The following BTAF1 variants were observed in gnomAD, a reference collection of about 807,000 sequenced individuals.
BTAF1 encodes B-TFIID TATA-box binding protein associated factor 1, also known as TATA-binding protein-associated factor 172.
A neutral mutation model predicts 227.1 loss-of-function variants in BTAF1; 38 were observed. The observed-to-expected ratio is 0.17, with a 90% confidence interval of 0.13 to 0.22. BTAF1 has a LOEUF of 0.22. Among genes scored for constraint, BTAF1 ranks in the 10% least tolerant of loss-of-function variants. The probability of loss-of-function intolerance (pLI) is 1.00; values close to 1 mark genes in which losing one functional copy is unlikely to be tolerated. For synonymous variants in BTAF1, 742 were observed against 751.9 expected (o/e 0.99, Z 0.21); for missense variants, 1,598 against 2,204.0 (o/e 0.73, Z 5.51).
At chr10:91,941,416 A>G (rs951724371) in intron 3 of BTAF1, among the ~76,000 whole-genome samples, 4 of 152,234 alleles carry the variant, frequency 2.6e-5, no homozygotes, top group African/African-American at 9.6e-5. Flanking sequence ...AATTTCATGC[A>G]GATGCCAGCT....
In BTAF1 at chr10:92,030,802, T is replaced by A. The variant is rs1379295142; in HGVS notation, c.*1869T>A. ...AAACTTAGAGTGGCTATAACATTTT[T>A]AAAATAATCTTTTGAGTTGTAAAAT... is the stretch of plus-strand genomic sequence containing the variant. On this transcript the variant is annotated 3_prime_UTR_variant, in exon 38 of 38. Transcript: ENST00000265990. 6.6e-6 allele frequency among the ~76,000 whole-genome samples: 1 copy of A among 152,184 alleles called. No individual in the cohort carries two copies. The highest frequency in any genetic ancestry group is 2.4e-5 in the African/African-American group (1 of 41,462).
In BTAF1 at chr10:91,951,557, C is replaced by T; in HGVS notation, c.555C>T (p.Asn185=). The change falls in exon 5 of 38, where the codon AAC becomes AAT. Residue 185 remains asparagine, a synonymous_variant. Coordinates refer to ENST00000265990, the MANE Select transcript of BTAF1 (RefSeq NM_003972.3). The part of the protein sequence containing the change: ...DYTPTSASFV[N]KQPTLQAAEL... ...CCCCAACTTCAGCATCCTTTGTTAA[C>T]AAACAACCTGTAGGTAAAACGTTTG... 1 of 1,595,644 alleles carries T rather than the reference C, an allele frequency of 6.3e-7. No individual in the cohort carries two copies. The highest frequency in any genetic ancestry group is 1.8e-5 in the Admixed American group (1 of 55,328).
intron 4 of BTAF1, among the ~76,000 whole-genome samples, chr10:91,947,735 CAAAAAAA>C (rs34292341): frequency 0.32 from 34,822 of 107,584 alleles, 5,162 homozygotes; most frequent in Middle Eastern, 0.46. Context: ...TCAATGTTTG[CAAAAAAA>C]AAAAAAAAAA....
chr10:91,955,509 G>T (rs1380765191), intron 6 of BTAF1, among the ~76,000 whole-genome samples: 1 of 152,086 alleles, frequency 6.6e-6, no homozygotes, highest in Non-Finnish European at 1.5e-5. Context: ...AACAGGGAAG[G>T]AACATGTGAA....
chr10:91,981,189 TTAAG>T (rs1161225890), intron 15 of BTAF1, among the ~76,000 whole-genome samples: 1 of 152,188 alleles, frequency 6.6e-6, no homozygotes, highest in South Asian at 2.1e-4. Context: ...CTTATCCTTA[TTAAG>T]TAAGATCATG....
At chr10:91,949,475 G>A (rs1845603165) in intron 4 of BTAF1, among the ~76,000 whole-genome samples, 1 of 152,178 alleles carries the variant, frequency 6.6e-6, no homozygotes, top group African/African-American at 2.4e-5. Context: ...GTTATGCGGT[G>A]TAGACTAGAT....
chr10:91,940,113 G>C, intron 3 of BTAF1, 47 bp downstream of exon 3: 1 of 1,205,552 alleles, frequency 8.3e-7, no homozygotes, highest in Non-Finnish European at 1.2e-6. Flanking sequence ...CCTAACTGTA[G>C]AATTAATTAT....
chr10:92,004,384 T>A (rs1776206), intron 25 of BTAF1, among the ~76,000 whole-genome samples: 145,863 of 152,314 alleles, frequency 0.96, 70,192 homozygotes, highest in East Asian at 1. Flanking sequence ...AAATGCACCA[T>A]TGAGCATTTC....
At chr10:91,963,976 A>G (rs893046966) in intron 12 of BTAF1, 101 bp from the exon 13 acceptor site, 3 of 1,265,844 alleles carry the variant, frequency 2.4e-6, no homozygotes, top group African/African-American at 3.0e-5. Context: ...TTGGAATTGC[A>G]TGTGTTGTTG....
At chr10:91,967,535 CAT>C (rs1246914266) in intron 14 of BTAF1, among the ~76,000 whole-genome samples, 3 of 152,178 alleles carry the variant, frequency 2.0e-5, no homozygotes, top group Admixed American at 6.5e-5. Flanking sequence ...ACTGGATTCT[CAT>C]GTGAATTAGG....
intron 1 of BTAF1, among the ~76,000 whole-genome samples, chr10:91,925,033 T>A (rs1021969410): frequency 6.6e-6 from 1 of 152,236 alleles, no homozygotes; most frequent in African/African-American, 2.4e-5. Context: ...GAACACATTC[T>A]TTGAGCGTAT....
chr10:91,994,476 G>C, intron 22 of BTAF1, 59 bp from the exon 23 acceptor site: 1 of 1,303,230 alleles, frequency 7.7e-7, no homozygotes, highest in Non-Finnish European at 1.1e-6. Flanking sequence ...AAAAGTTTTT[G>C]TGTGCTCTAG....
At chr10:91,991,265 A>AATATATATAT (rs375232605) in intron 20 of BTAF1, among the ~76,000 whole-genome samples, 1 of 90,090 alleles carries the variant, frequency 1.1e-5, no homozygotes, top group South Asian at 4.8e-4. Context: ...TATAAATATA[A>AATATATATAT]ATATAAATAT....
In BTAF1 at chr10:92,026,633, C is replaced by G. The variant is rs1460842650; in HGVS notation, c.5117C>G (p.Thr1706Ser). 1 of 1,613,832 alleles carries G rather than the reference C, an allele frequency of 6.2e-7. No individual in the cohort carries two copies. The highest frequency in any genetic ancestry group is 1.3e-5 in the African/African-American group (1 of 75,010). The change falls in exon 36 of 38, where the codon ACT becomes AGT. Residue 1706 changes from threonine (T) to serine (S), a missense_variant. Thr to Ser is a moderately conservative substitution (Grantham distance 58). Transcript: ENST00000265990. ...DPSIDVLLLTTHVGGLGLNLT... is the reference protein window; with the variant it reads ...DPSIDVLLLTSHVGGLGLNLT... ...TCTATAGACGTTCTGTTACTTACCACTCACGTTGGTGGCCTGGGACTTAAT... is the reference window on the plus strand; with the variant it reads ...TCTATAGACGTTCTGTTACTTACCAGTCACGTTGGTGGCCTGGGACTTAAT...
chr10:92,003,111 G>A (rs1849657958), intron 25 of BTAF1, among the ~76,000 whole-genome samples: 1 of 151,588 alleles, frequency 6.6e-6, no homozygotes, highest in Non-Finnish European at 1.5e-5. Flanking sequence ...AGTTGAGATG[G>A]GGCCACTGCA....
At chr10:92,028,597 A>G (rs1347646391) in intron 37 of BTAF1, among the ~76,000 whole-genome samples, 193 bp from the exon 38 acceptor site, 1 of 152,180 alleles carries the variant, frequency 6.6e-6, no homozygotes. Flanking sequence ...TAATTCTTCC[A>G]TAATTTTGAA....
intron 1 of BTAF1, among the ~76,000 whole-genome samples, chr10:91,929,014 A>G (rs767030959): frequency 1.3e-5 from 2 of 151,926 alleles, no homozygotes; most frequent in Non-Finnish European, 2.9e-5. Flanking sequence ...GGGTTTCATC[A>G]TGTTGCCCAG....
At chr10:92,020,129 A>G (rs1851021531) in intron 34 of BTAF1, among the ~76,000 whole-genome samples, 1 of 152,078 alleles carries the variant, frequency 6.6e-6, no homozygotes, top group Non-Finnish European at 1.5e-5. Context: ...AATGTCTTCC[A>G]TGGTTTCTGA....
intron 34 of BTAF1, 34 bp from the exon 35 acceptor site, chr10:92,024,722 C>T (rs201015894): frequency 7.7e-5 from 42 of 547,674 alleles, no homozygotes; most frequent in African/African-American, 3.4e-4. Flanking sequence ...TTTTATTGAA[C>T]GCTTATGTAG....
Sources: allele counts gnomAD v4.1 joint callset (sites outside exome capture counted in the v4.1 genomes callset), GRCh38; gene constraint gnomAD v4.1.1; transcripts MANE v1.5; gene names NCBI Gene and HGNC (gene_info 2026-07-23, HGNC 2026-07-21).